Variants in KIAA1549 observed in about 807,000 individuals in gnomAD.
KIAA1549 encodes UPF0606 protein KIAA1549.
A neutral mutation model predicts 156.4 loss-of-function variants in KIAA1549; 70 were observed. That is an observed-to-expected ratio of 0.45 (90% confidence interval 0.37 to 0.55). The LOEUF is 0.55. Among genes scored for constraint, KIAA1549 ranks in the 20% least tolerant of loss-of-function variants. The pLI is 0.00. For synonymous variants in KIAA1549, 1,103 were observed against 1,066.4 expected (o/e 1.03, Z -0.67); for missense variants, 2,428 against 2,540.9 (o/e 0.96, Z 0.96).
chr7:138,919,592 C>T (rs1033307699), intron 1 of KIAA1549, 154 bp from the exon 2 acceptor site: 194 of 1,291,370 alleles, frequency 1.5e-4, no homozygotes, highest in Middle Eastern at 1.0e-3. Flanking sequence ...TAGCTGGAAA[C>T]GAGAAATTGA....
At chr7:138,966,675 G>A (rs1200988700) in intron 1 of KIAA1549, among the ~76,000 whole-genome samples, 1 of 151,918 alleles carries the variant, frequency 6.6e-6, no homozygotes, top group Non-Finnish European at 1.5e-5. Context: ...TTAAGGGTGG[G>A]TCTGCTTTTC....
At chr7:138,930,658 A>C (rs533874079) in intron 1 of KIAA1549, among the ~76,000 whole-genome samples, 181 of 152,362 alleles carry the variant, frequency 1.2e-3, no homozygotes, top group Non-Finnish European at 2.0e-3. Context: ...TTAGAGGATC[A>C]AACAGAGTTA....
chr7:138,916,608 G>C, intron 2 of KIAA1549, 140 bp downstream of exon 2: 1 of 1,349,178 alleles, frequency 7.4e-7, no homozygotes, highest in Non-Finnish European at 9.9e-7. Flanking sequence ...CAGGAGGTAA[G>C]CATAGGAGTA....
intron 1 of KIAA1549, among the ~76,000 whole-genome samples, chr7:138,959,528 C>T (rs985308020): frequency 2.6e-5 from 4 of 152,170 alleles, no homozygotes; most frequent in Non-Finnish European, 4.4e-5. Flanking sequence ...GCGCATTTTA[C>T]GAATGGAGAA....
chr7:138,862,561 C>T (rs937797006), intron 15 of KIAA1549, among the ~76,000 whole-genome samples: 1 of 147,362 alleles, frequency 6.8e-6, no homozygotes, highest in Non-Finnish European at 1.5e-5. Flanking sequence ...CAAGCAATTA[C>T]AATATCTATT....
chr7:138,980,964 G>T, intron 1 of KIAA1549, 119 bp downstream of exon 1: 1 of 932,986 alleles, frequency 1.1e-6, no homozygotes, highest in Non-Finnish European at 1.3e-6. Flanking sequence ...TTCCAGAAAG[G>T]ACGGCGAGGG....
chr7:138,898,927 C>T (rs1400489286), intron 9 of KIAA1549, 28 bp downstream of exon 9: 1 of 1,609,834 alleles, frequency 6.2e-7, no homozygotes, highest in Non-Finnish European at 8.5e-7. Flanking sequence ...CACAGCACAG[C>T]ACAGACGACA....
chr7:138,956,645 T>C (rs1463318601), intron 1 of KIAA1549, among the ~76,000 whole-genome samples: 1 of 152,216 alleles, frequency 6.6e-6, no homozygotes, highest in African/African-American at 2.4e-5. Flanking sequence ...TCTGCCATGA[T>C]TGTGATGCCT....
intron 1 of KIAA1549, among the ~76,000 whole-genome samples, chr7:138,958,055 C>T (rs756289959): frequency 5.9e-5 from 9 of 152,368 alleles, no homozygotes; most frequent in Admixed American, 1.3e-4. Flanking sequence ...CCTTTGACAA[C>T]GTCTGTGAAT....
In KIAA1549 at chr7:138,886,589, A is replaced by C. The variant is rs116680116; in HGVS notation, c.4033-5005T>G. ...ACTGAGACCGGCCTTAAGATCTTTTATAAGCTGAAATTCTCGGATCAATGG... is the reference window on the plus strand; with the variant it reads ...ACTGAGACCGGCCTTAAGATCTTTTCTAAGCTGAAATTCTCGGATCAATGG... On this transcript the variant is annotated intron_variant, in intron 10 of 19. Transcript: ENST00000422774. 5.6e-3 allele frequency among the ~76,000 whole-genome samples: 850 copies of C among 152,208 alleles called. 5 individuals carry two copies. The highest frequency in any genetic ancestry group is 0.02 in the African/African-American group (819 of 41,540).
intron 1 of KIAA1549, among the ~76,000 whole-genome samples, chr7:138,938,925 G>A (rs1351226005): frequency 6.6e-6 from 1 of 152,066 alleles, no homozygotes; most frequent in Non-Finnish European, 1.5e-5. Context: ...GCACATGCCT[G>A]TAATCCCAGC....
In KIAA1549 at chr7:138,981,142, C is replaced by G; in HGVS notation, c.128G>C (p.Gly43Ala). ...CAGCCAGAGGCCAGGAAGCAGCAGC[C>G]CCGGGCGGCGGCGGCGGGCGCAGCG... ...SARCARRRRP[G>A]LLLPGLWLLL... Residue 43 changes from glycine to alanine, a missense_variant, in exon 1 of 20, where the codon GGG becomes GCG. Around this residue, in one of 5 missense-constraint regions of KIAA1549, gnomAD observed 893 missense variants for 847.9 expected, o/e 1.05. Coordinates refer to ENST00000422774, the MANE Select transcript of KIAA1549 (RefSeq NM_001164665.2). This position sits in a 1 kb window ranked among gnomAD's most constrained non-coding sequence, Gnocchi z 4.5. The G allele has an allele frequency of 8.2e-7, 1 of 1,212,428 alleles. No homozygotes were observed. The highest frequency in any genetic ancestry group is 1.0e-6 in the Non-Finnish European group (1 of 975,428). The allele number at this position is 1,212,428 out of a possible 1,614,324, so 75.1% of individuals were successfully genotyped here. A position where few individuals can be genotyped will look rare whatever the true frequency, so the allele number is the denominator to read the frequency against.
Position 138,917,688 on chromosome 7 carries a change from C to G in KIAA1549, c.1938G>C (p.Ala646=). The G allele has an allele frequency of 6.2e-7, 1 of 1,609,172 alleles. No homozygotes were observed. The change falls in exon 2 of 20, where the codon GCG becomes GCC. Residue 646 remains alanine, a synonymous_variant. Coordinates refer to ENST00000422774, the MANE Select transcript of KIAA1549 (RefSeq NM_001164665.2). ...GSISSPSEAP[A]SLSLMPSDLS... ...AGTCACTCGGCATCAGAGACAGAGA[C>G]GCAGGTGCTTCCGAAGGCGAAGAGA...
chr7:138,886,688 C>CA (rs2130420051), intron 10 of KIAA1549, among the ~76,000 whole-genome samples: 1 of 152,140 alleles, frequency 6.6e-6, no homozygotes, highest in South Asian at 2.1e-4. Context: ...ACACAATTTA[C>CA]AAAAATGAAA....
Position 138,899,046 on chromosome 7 carries a change from A to T in KIAA1549, c.3756T>A (p.Ser1252Arg). Reference sequence around the variant, plus strand: ...TAATCAGGTCCGAAGACTTGACTGCACTGAGTCTTTCTCCATCTTGATCCT... The same window carrying T: ...TAATCAGGTCCGAAGACTTGACTGCTCTGAGTCTTTCTCCATCTTGATCCT... ...FVEDQDGERLSAVKSSDLINK... is the reference protein window; with the variant it reads ...FVEDQDGERLRAVKSSDLINK... The change falls in exon 9 of 20, where the codon AGT (serine) becomes AGA (arginine). Residue 1252 changes from serine (S) to arginine (R), a missense_variant. Ser to Arg is a moderately radical substitution (Grantham distance 110). Around this residue, in one of 5 missense-constraint regions of KIAA1549, gnomAD observed 762 missense variants for 901.6 expected, o/e 0.85. Transcript: ENST00000422774. 4 of 1,613,426 alleles carry T rather than the reference A, an allele frequency of 2.5e-6. No individual in the cohort carries two copies. The highest frequency in any genetic ancestry group is 3.4e-6 in the Non-Finnish European group (4 of 1,179,374).
chr7:138,867,090 A>G (rs1810768318), intron 15 of KIAA1549, among the ~76,000 whole-genome samples: 1 of 152,186 alleles, frequency 6.6e-6, no homozygotes, highest in African/African-American at 2.4e-5. Flanking sequence ...GGTCTGAGCC[A>G]CCACTCATTA....
chr7:138,934,458 T>C (rs1812953104), intron 1 of KIAA1549, among the ~76,000 whole-genome samples: 4 of 150,588 alleles, frequency 2.7e-5, no homozygotes, highest in South Asian at 2.1e-4. Flanking sequence ...TAGGGAGTGG[T>C]TGAGGGATGG....
chr7:138,879,448 A>T, intron 12 of KIAA1549, 90 bp downstream of exon 12: 1 of 720,046 alleles, frequency 1.4e-6, no homozygotes, highest in Admixed American at 3.1e-5. Flanking sequence ...TTCTTTTTTA[A>T]GGGTTTAGCA....
chr7:138,917,119 G>C lies in KIAA1549; in HGVS notation c.2507C>G (p.Thr836Arg), dbSNP rs541383684. 2 of 1,612,576 alleles carry C rather than the reference G, an allele frequency of 1.2e-6. No individual in the cohort carries two copies. The highest frequency in any genetic ancestry group is 1.1e-5 in the South Asian group (1 of 90,784). Residue 836 changes from threonine (T) to arginine (R), a missense_variant, in exon 2 of 20, where the codon ACG becomes AGG. This residue lies in a region of KIAA1549 where 762 missense variants were observed against 901.6 expected (regional missense o/e 0.85). Coordinates refer to ENST00000422774, the MANE Select transcript of KIAA1549 (RefSeq NM_001164665.2). ...ASFSKAIPTGTVLITDAYLPS... is the reference protein window; with the variant it reads ...ASFSKAIPTGRVLITDAYLPS... ...CAGGTACGCGTCAGTGATCAACACCGTACCAGTGGGAATGGCTTTGGAGAA... is the reference window on the plus strand; with the variant it reads ...CAGGTACGCGTCAGTGATCAACACCCTACCAGTGGGAATGGCTTTGGAGAA...
Sources: gnomAD v4.1 joint callset for allele counts (sites outside exome capture counted in the v4.1 genomes callset) on GRCh38, gnomAD v4.1.1 for gene constraint, gnomAD v4.1.1 regional missense constraint, Gnocchi (gnomAD v3.1) non-coding constraint, MANE v1.5 for transcripts, NCBI Gene and HGNC (gene_info 2026-07-23, HGNC 2026-07-21) for gene names.